The following PCDHA3 variants were observed in gnomAD, a reference collection of about 807,000 sequenced individuals.
The protein encoded by PCDHA3 is protocadherin alpha-3.
In PCDHA3, 41 loss-of-function variants were observed where a neutral mutation model predicts 62.2. That is an observed-to-expected ratio of 0.66 (90% CI 0.51 to 0.86). PCDHA3 has a LOEUF of 0.86. PCDHA3 is among the 40% of genes least tolerant of loss of function. The pLI is 0.00. For missense variants in PCDHA3, 1,304 were observed against 1,241.2 expected (o/e 1.05, Z -0.76); for synonymous variants, 640 against 555.4 (o/e 1.15, Z -2.14).
intron 1 of PCDHA3, chr5:140,877,542 A>G (rs782391639): frequency 1.9e-6 from 3 of 1,613,752 alleles, no homozygotes; most frequent in Non-Finnish European, 2.5e-6. Flanking sequence ...TGGATCCCGA[A>G]GCGGCTCTGG....
intron 1 of PCDHA3, chr5:140,928,280 C>T (rs781831365): frequency 6.2e-7 from 1 of 1,614,076 alleles, no homozygotes; most frequent in African/African-American, 1.3e-5. Context: ...CCTGGGGCCT[C>T]TCTAGGCCGA....
At chr5:140,843,497 C>A in intron 1 of PCDHA3, 1 of 1,596,022 alleles carries the variant, frequency 6.3e-7, no homozygotes, top group Non-Finnish European at 8.6e-7. Context: ...GTGCTCAGCA[C>A]TGCCCACTGA....
chr5:140,853,583 T>C lies in PCDHA3; in HGVS notation c.2394+49992T>C, dbSNP rs1298599428. Reference sequence around the variant, plus strand: ...AAAACTAAGTTGTCACCCAATATCTTAGACACTTTGAGAGCAAAGGGGGTG... The same window carrying C: ...AAAACTAAGTTGTCACCCAATATCTCAGACACTTTGAGAGCAAAGGGGGTG... On this transcript the variant is annotated intron_variant, in intron 1 of 3. Transcript: ENST00000522353. 16 of 985,202 alleles carry C rather than the reference T, an allele frequency of 1.6e-5. 2 individuals carry two copies. The highest frequency in any genetic ancestry group is 1.8e-5 in the Non-Finnish European group (15 of 817,512). The allele number at this position is 985,202 out of a possible 1,614,324, so 61.0% of individuals were successfully genotyped here. A position where few individuals can be genotyped will look rare whatever the true frequency, so the allele number is the denominator to read the frequency against.
intron 1 of PCDHA3, chr5:140,928,545 T>C: frequency 6.2e-7 from 1 of 1,614,220 alleles, no homozygotes; most frequent in Non-Finnish European, 8.5e-7. Flanking sequence ...GGAATGACAA[T>C]TATCCGGTTA....
chr5:140,808,339 G>C, intron 1 of PCDHA3: 1 of 1,614,246 alleles, frequency 6.2e-7, no homozygotes, highest in East Asian at 2.2e-5. Context: ...TCAATGGGCT[G>C]GTCACCTGCT....
intron 1 of PCDHA3, chr5:140,853,100 C>G: frequency 2.7e-6 from 1 of 369,590 alleles, no homozygotes; most frequent in Non-Finnish European, 3.8e-6. Flanking sequence ...AGGATGGTCT[C>G]GATCTCCTGA....
chr5:140,807,024 G>T (rs1763832295), intron 1 of PCDHA3: 2 of 843,052 alleles, frequency 2.4e-6, no homozygotes, highest in Non-Finnish European at 1.8e-6. Context: ...CATGAGAGAA[G>T]GAGGAAGAAG....
chr5:140,829,964 G>C, intron 1 of PCDHA3: 1 of 1,614,006 alleles, frequency 6.2e-7, no homozygotes. Context: ...GTTTCGCGTG[G>C]GGCTGTACAC....
At chr5:140,964,009 A>G (rs1435043905) in intron 1 of PCDHA3, among the ~76,000 whole-genome samples, 1 of 152,160 alleles carries the variant, frequency 6.6e-6, no homozygotes, top group Non-Finnish European at 1.5e-5. Context: ...CTACTTTTTA[A>G]TAGAGAGCTC....
At chr5:140,872,997 A>G (rs1391702817) in intron 1 of PCDHA3, among the ~76,000 whole-genome samples, 2 of 152,104 alleles carry the variant, frequency 1.3e-5, no homozygotes, top group East Asian at 3.9e-4. Flanking sequence ...TTTACTTCTG[A>G]GTCATTCTTC....
intron 1 of PCDHA3, among the ~76,000 whole-genome samples, chr5:140,821,162 A>T (rs1683784495): frequency 6.6e-6 from 1 of 152,218 alleles, no homozygotes; most frequent in Non-Finnish European, 1.5e-5. Context: ...GAGATAGCAT[A>T]CAAACATTCC....
chr5:140,820,470 G>A (rs1260477668), intron 1 of PCDHA3, among the ~76,000 whole-genome samples: 2 of 151,808 alleles, frequency 1.3e-5, no homozygotes, highest in African/African-American at 4.8e-5. Flanking sequence ...CACAGGTAAG[G>A]GATATTTTGT....
At chr5:140,987,316 G>A (rs13153056) in intron 3 of PCDHA3, among the ~76,000 whole-genome samples, 9,624 of 152,218 alleles carry the variant, frequency 0.063, 338 homozygotes, top group East Asian at 0.12. Flanking sequence ...AATGTACTGT[G>A]AAGTTTTAAG....
At chr5:141,005,113 G>A (rs2098197843) in intron 3 of PCDHA3, among the ~76,000 whole-genome samples, 1 of 152,184 alleles carries the variant, frequency 6.6e-6, no homozygotes, top group South Asian at 2.1e-4. Flanking sequence ...ATTGTCTTTA[G>A]GGACCCCAAA....
chr5:140,985,901 G>A (rs995663051), intron 3 of PCDHA3, among the ~76,000 whole-genome samples: 3 of 151,818 alleles, frequency 2.0e-5, no homozygotes, highest in Non-Finnish European at 2.9e-5. Flanking sequence ...CACCACTCCC[G>A]TCTAATTTTT....
intron 2 of PCDHA3, 87 bp downstream of exon 2, chr5:140,979,094 T>C (rs1203462119): frequency 6.4e-7 from 1 of 1,551,870 alleles, no homozygotes; most frequent in Non-Finnish European, 8.7e-7. Flanking sequence ...CAGAAGCAGC[T>C]GTCAAAACTA....
At chr5:140,966,835 G>A in intron 1 of PCDHA3, 10 of 1,564,886 alleles carry the variant, frequency 6.4e-6, no homozygotes, top group Non-Finnish European at 7.8e-6. Flanking sequence ...TGCCCTGGCT[G>A]CTGCTACTGC....
intron 1 of PCDHA3, among the ~76,000 whole-genome samples, chr5:140,906,853 T>C (rs576448914): frequency 1.3e-5 from 2 of 152,170 alleles, no homozygotes; most frequent in Non-Finnish European, 2.9e-5. Flanking sequence ...AGAGTCTGGG[T>C]CAGTCACCCC....
chr5:140,843,597 G>A, intron 1 of PCDHA3: 1 of 1,596,060 alleles, frequency 6.3e-7, no homozygotes. Flanking sequence ...CAGAGGGTGT[G>A]CTCTGGTGAG....
Sources: allele counts gnomAD v4.1 joint callset (sites outside exome capture counted in the v4.1 genomes callset), GRCh38; gene constraint gnomAD v4.1.1; transcripts MANE v1.5; gene names NCBI Gene and HGNC (gene_info 2026-07-23, HGNC 2026-07-21).